The following FIG4 variants were observed in gnomAD, a reference collection of about 807,000 sequenced individuals.
The protein encoded by FIG4 is polyphosphoinositide phosphatase.
Under a neutral mutation model 118.6 loss-of-function variants are expected in FIG4, and 112 were observed. That is an observed-to-expected ratio of 0.94 (90% CI 0.81 to 1.11). The LOEUF (loss-of-function observed/expected upper bound fraction) is 1.11. Among genes scored for constraint, FIG4 ranks in the 50% least tolerant of loss-of-function variants. FIG4 has a pLI of 0.00. For synonymous variants in FIG4, 369 were observed against 381.2 expected (o/e 0.97, Z 0.37); for missense variants, 969 against 1,111.7 (o/e 0.87, Z 1.83).
At chr6:109,706,108 A>G (rs1333960116) in intron 1 of FIG4, among the ~76,000 whole-genome samples, 1 of 152,264 alleles carries the variant, frequency 6.6e-6, no homozygotes, top group Non-Finnish European at 1.5e-5. Context: ...ATTAAAATCC[A>G]CAGAGGTTAA....
At chr6:109,752,525 G>A (rs200312068) in intron 10 of FIG4, among the ~76,000 whole-genome samples, 8,972 of 152,026 alleles carry the variant, frequency 0.059, 444 homozygotes, top group East Asian at 0.23. Context: ...TTTAATGATC[G>A]CCATTCTAAC....
intron 7 of FIG4, 145 bp downstream of exon 7, chr6:109,738,598 A>G: frequency 1.3e-6 from 1 of 742,244 alleles, no homozygotes; most frequent in Non-Finnish European, 2.3e-6. Context: ...ATGTAGCAGA[A>G]ATACAAAGAA....
chr6:109,737,756 C>G (rs1183770389), intron 6 of FIG4, among the ~76,000 whole-genome samples: 1 of 152,162 alleles, frequency 6.6e-6, no homozygotes, highest in South Asian at 2.1e-4. Flanking sequence ...GGCCTGACAT[C>G]ATAATAACTG....
At chr6:109,752,240 G>C (rs998207212) in intron 10 of FIG4, among the ~76,000 whole-genome samples, 14 of 151,618 alleles carry the variant, frequency 9.2e-5, no homozygotes, top group African/African-American at 3.4e-4. Flanking sequence ...GTCTATCACT[G>C]TTGGACATTT....
At chr6:109,702,672 A>ATTC (rs10633316) in intron 1 of FIG4, among the ~76,000 whole-genome samples, 122,854 of 151,584 alleles carry the variant, frequency 0.81, 50,255 homozygotes, top group African/African-American at 0.94. Context: ...TTCCTTCCCT[A>ATTC]TTCTTGGATA....
intron 22 of FIG4, among the ~76,000 whole-genome samples, chr6:109,812,929 C>T (rs996813740): frequency 1.3e-5 from 2 of 152,036 alleles, no homozygotes; most frequent in East Asian, 1.9e-4. Flanking sequence ...GAGAGATCCT[C>T]GAAAAGGCAC....
chr6:109,705,451 GT>G (rs778279361), intron 1 of FIG4, among the ~76,000 whole-genome samples: 14 of 152,110 alleles, frequency 9.2e-5, no homozygotes, highest in Non-Finnish European at 2.1e-4. Flanking sequence ...TGCACAAAAC[GT>G]TTTTAGGATT....
chr6:109,793,760 A>C (rs980966070), intron 21 of FIG4, among the ~76,000 whole-genome samples: 2 of 152,250 alleles, frequency 1.3e-5, no homozygotes, highest in African/African-American at 4.8e-5. Context: ...TTCAATTAAT[A>C]AAAACTACTC....
chr6:109,818,168 G>C (rs1778911909), intron 22 of FIG4, among the ~76,000 whole-genome samples: 1 of 151,854 alleles, frequency 6.6e-6, no homozygotes, highest in Non-Finnish European at 1.5e-5. Flanking sequence ...AGAACAGTAA[G>C]ACATTTTGAG....
At chr6:109,695,157 A>T (rs1488287438) in intron 1 of FIG4, among the ~76,000 whole-genome samples, 1 of 152,240 alleles carries the variant, frequency 6.6e-6, no homozygotes, top group Non-Finnish European at 1.5e-5. Context: ...TCTCAAGCTA[A>T]CTTCCGTCAA....
At chr6:109,722,525 G>C (rs1482394434) in intron 3 of FIG4, among the ~76,000 whole-genome samples, 3 of 151,732 alleles carry the variant, frequency 2.0e-5, no homozygotes, top group Admixed American at 6.6e-5. Flanking sequence ...CTGAGAGAGA[G>C]ACACACACAC....
At chr6:109,819,419 T>C (rs1163274624) in intron 22 of FIG4, among the ~76,000 whole-genome samples, 4 of 152,218 alleles carry the variant, frequency 2.6e-5, no homozygotes, top group African/African-American at 9.6e-5. Context: ...TTGGTTATTA[T>C]AGCTTTTGGG....
intron 10 of FIG4, among the ~76,000 whole-genome samples, chr6:109,752,069 A>T (rs1239673275): frequency 1.4e-5 from 2 of 140,818 alleles, no homozygotes; most frequent in Non-Finnish European, 3.0e-5. Flanking sequence ...GTTCCCACCT[A>T]TGAGTGAGAA....
Position 109,791,441 on chromosome 6 carries a change from C to T in FIG4, c.2246C>T (p.Pro749Leu). 1 of 1,613,840 alleles carries T rather than the reference C, an allele frequency of 6.2e-7. No individual in the cohort carries two copies. Among genetic ancestry groups the T allele is most frequent in the Non-Finnish European group, 8.5e-7 (1 of 1,179,996 alleles). The part of the protein sequence containing the change: ...RKTAASAPPP[P>L]SEEAVSSSSE... ...ACGGCAGCCAGCGCCCCGCCGCCCC[C>T]CAGCGAGGAGGCTGTGTCCAGCAGC... Residue 749 changes from proline to leucine, a missense_variant, in exon 20 of 23, where the codon CCC becomes CTC. This residue lies in a region of FIG4 where 330 missense variants were observed against 348.1 expected (regional missense o/e 0.95). Transcript: ENST00000230124.
chr6:109,695,104 A>T (rs756701189), intron 1 of FIG4, among the ~76,000 whole-genome samples: 3 of 152,216 alleles, frequency 2.0e-5, no homozygotes, highest in Non-Finnish European at 4.4e-5. Flanking sequence ...AGTTCATGGG[A>T]AAATGGAATT....
intron 1 of FIG4, among the ~76,000 whole-genome samples, chr6:109,697,939 A>G (rs1245589951): frequency 2.0e-5 from 3 of 150,640 alleles, no homozygotes; most frequent in Admixed American, 2.0e-4. Flanking sequence ...CCCAGGCTGG[A>G]GTGCAATGGC....
chr6:109,752,087 T>A (rs1436191543), intron 10 of FIG4, among the ~76,000 whole-genome samples: 8 of 148,622 alleles, frequency 5.4e-5, no homozygotes, highest in African/African-American at 2.0e-4. Context: ...GAACATGCGG[T>A]GTTTGGTTTT....
chr6:109,732,254 T>C (rs1336377736), intron 4 of FIG4, among the ~76,000 whole-genome samples: 1 of 152,242 alleles, frequency 6.6e-6, no homozygotes, highest in Non-Finnish European at 1.5e-5. Context: ...CTTAAAATTG[T>C]GGTGACCCAC....
chr6:109,720,905 C>T (rs1775586610), intron 3 of FIG4, among the ~76,000 whole-genome samples: 1 of 152,178 alleles, frequency 6.6e-6, no homozygotes, highest in Admixed American at 6.5e-5. Flanking sequence ...TGGGAAACCA[C>T]TGGATGGGAT....
Sources: gnomAD v4.1 joint callset for allele counts (sites outside exome capture counted in the v4.1 genomes callset) on GRCh38, gnomAD v4.1.1 for gene constraint, gnomAD v4.1.1 regional missense constraint, MANE v1.5 for transcripts, NCBI Gene and HGNC (gene_info 2026-07-23, HGNC 2026-07-21) for gene names.